The following CDK6 variants were observed in gnomAD, a reference collection of about 807,000 sequenced individuals.
CDK6 encodes cyclin dependent kinase 6, also known as cyclin-dependent kinase 6.
In CDK6, 6 loss-of-function variants were observed where a neutral mutation model predicts 37.1. That is an observed-to-expected ratio of 0.16 (90% confidence interval 0.09 to 0.32). CDK6 has a LOEUF of 0.32. Among genes scored for constraint, CDK6 ranks in the 10% least tolerant of loss-of-function variants. CDK6 has a pLI of 1.00. For missense variants in CDK6, 224 were observed against 418.9 expected, an observed-to-expected ratio of 0.53 and a Z score of 4.06; for synonymous variants, 160 against 161.3, an observed-to-expected ratio of 0.99 and a Z score of 0.06.
chr7:92,659,634 A>ACACC (rs1562927541), intron 5 of CDK6, among the ~76,000 whole-genome samples: 1 of 148,522 alleles, frequency 6.7e-6, no homozygotes, highest in African/African-American at 2.5e-5. Context: ...ACACACACAC[A>ACACC]CCACACACAC....
intron 2 of CDK6, among the ~76,000 whole-genome samples, chr7:92,820,633 A>G (rs1801149112): frequency 6.6e-6 from 1 of 152,134 alleles, no homozygotes; most frequent in Non-Finnish European, 1.5e-5. Flanking sequence ...AAGTTTAGGG[A>G]TATTATTTAA....
At chr7:92,828,091 T>C (rs1801375195) in intron 2 of CDK6, among the ~76,000 whole-genome samples, 1 of 152,118 alleles carries the variant, frequency 6.6e-6, no homozygotes, top group Admixed American at 6.6e-5. Flanking sequence ...ATATTATTAA[T>C]GAATTACCTG....
Position 92,835,297 on chromosome 7 carries a change from T to G in CDK6, c.-368+1181A>C, listed in dbSNP as rs911580569. On this transcript the variant is annotated intron_variant, in intron 1 of 7. Coordinates refer to ENST00000424848, the MANE Select transcript of CDK6 (RefSeq NM_001145306.2). The surrounding 1 kb of genome is among the most constrained non-coding windows in gnomAD (Gnocchi z 4.2). Reference sequence around the variant, plus strand: ...CCCCCAACCCCCTCCCGCTCGAGTCTAGCCCCGGGCTCCGCAGCGAAGGAA... The same window carrying G: ...CCCCCAACCCCCTCCCGCTCGAGTCGAGCCCCGGGCTCCGCAGCGAAGGAA... 3.0e-5 allele frequency: 4 copies of G among 132,218 alleles called. No homozygotes were observed. The highest frequency in any genetic ancestry group is 1.2e-4 in the African/African-American group (4 of 33,472). The allele number at this position is 132,218 out of a possible 1,614,324, so 8.2% of individuals were successfully genotyped here.
At chr7:92,708,829 C>T (rs1798023169) in intron 4 of CDK6, among the ~76,000 whole-genome samples, 1 of 152,076 alleles carries the variant, frequency 6.6e-6, no homozygotes, top group South Asian at 2.1e-4. Context: ...AAATGTTAAT[C>T]ATACCAGGAG....
chr7:92,781,027 T>C (rs889100391), intron 2 of CDK6, among the ~76,000 whole-genome samples: 3 of 152,172 alleles, frequency 2.0e-5, no homozygotes, highest in African/African-American at 7.2e-5. Flanking sequence ...CAGATGACTT[T>C]TAAAGGAAAG....
At chr7:92,715,821 A>T (rs1050233224) in intron 4 of CDK6, among the ~76,000 whole-genome samples, 3 of 152,230 alleles carry the variant, frequency 2.0e-5, no homozygotes, top group African/African-American at 7.2e-5. Flanking sequence ...TGACTAAGGG[A>T]AACTGCAATG....
chr7:92,766,397 C>T (rs1196809448), intron 3 of CDK6, among the ~76,000 whole-genome samples: 2 of 152,080 alleles, frequency 1.3e-5, no homozygotes, highest in Non-Finnish European at 2.9e-5. Flanking sequence ...TATGCCTAAA[C>T]TTGGGGCTCA....
intron 3 of CDK6, among the ~76,000 whole-genome samples, chr7:92,749,197 TAAAA>T (rs75300713): frequency 1.2e-5 from 1 of 82,716 alleles, no homozygotes; most frequent in Admixed American, 1.4e-4. Context: ...AGACTCTGCC[TAAAA>T]AAAAAAAAAA....
chr7:92,671,485 G>A lies in CDK6; in HGVS notation c.588C>T (p.Tyr196=), dbSNP rs140690409. 1.4e-4 allele frequency: 220 copies of A among 1,582,208 alleles called. 1 individual carries two copies. The African/African-American group carries it at 2.1e-3, about 15-fold the overall frequency. ...RAPEVLLQSS[Y]ATPVDLWSVG... The stretch of plus-strand genomic sequence containing the variant: ...CACTCCAGAGATCCACGGGGGTGGC[G>A]TAGCTGGACTGGAGCAAGACTTCGG... The change falls in exon 5 of 8, where the codon TAC becomes TAT. Residue 196 remains tyrosine, a synonymous_variant. Coordinates refer to ENST00000424848, the MANE Select transcript of CDK6 (RefSeq NM_001145306.2).
At chr7:92,818,493 T>C (rs1472403479) in intron 2 of CDK6, among the ~76,000 whole-genome samples, 1 of 151,628 alleles carries the variant, frequency 6.6e-6, no homozygotes, top group African/African-American at 2.4e-5. Flanking sequence ...TATAAAATTC[T>C]AGAAGAAAAC....
chr7:92,832,010 AT>A (rs1211963732), intron 2 of CDK6, among the ~76,000 whole-genome samples: 1 of 152,222 alleles, frequency 6.6e-6, no homozygotes, highest in African/African-American at 2.4e-5. Context: ...GTAGGCATGT[AT>A]TTGTTGAACA....
chr7:92,809,147 A>G (rs1800809432), intron 2 of CDK6, among the ~76,000 whole-genome samples: 1 of 152,190 alleles, frequency 6.6e-6, no homozygotes, highest in African/African-American at 2.4e-5. Context: ...ATATCTAGAT[A>G]ATCTATAAAA....
At chr7:92,717,761 A>C (rs1798266455) in intron 4 of CDK6, among the ~76,000 whole-genome samples, 2 of 152,222 alleles carry the variant, frequency 1.3e-5, no homozygotes, top group Non-Finnish European at 2.9e-5. Context: ...TTTATAAACA[A>C]GGGAATCAGT....
intron 2 of CDK6, among the ~76,000 whole-genome samples, chr7:92,817,979 G>A (rs978244101): frequency 2.0e-5 from 3 of 151,920 alleles, no homozygotes; most frequent in African/African-American, 7.2e-5. Flanking sequence ...AGAAATTAAA[G>A]ACCTAAATAA....
chr7:92,621,653 G>T (rs895712531), intron 6 of CDK6, among the ~76,000 whole-genome samples: 14 of 152,152 alleles, frequency 9.2e-5, no homozygotes, highest in African/African-American at 3.1e-4. Flanking sequence ...ATATTCAACA[G>T]TCATGGGGAA....
chr7:92,774,608 G>T, intron 3 of CDK6, 88 bp downstream of exon 3: 2 of 1,172,898 alleles, frequency 1.7e-6, no homozygotes, highest in South Asian at 1.8e-5. Flanking sequence ...AGTTGTAATT[G>T]TGGCAATTTT....
intron 6 of CDK6, among the ~76,000 whole-genome samples, chr7:92,621,759 T>C (rs969880833): frequency 2.0e-5 from 3 of 152,040 alleles, no homozygotes; most frequent in African/African-American, 7.3e-5. Flanking sequence ...CTGTACAGAG[T>C]GGTCAGTAGT....
intron 2 of CDK6, among the ~76,000 whole-genome samples, chr7:92,822,520 T>A (rs552024167): frequency 6.6e-6 from 1 of 152,264 alleles, no homozygotes; most frequent in East Asian, 1.9e-4. Context: ...GCTTAACTAT[T>A]TATTCACTCA....
chr7:92,785,300 C>T (rs1254749101), intron 2 of CDK6, among the ~76,000 whole-genome samples: 1 of 152,144 alleles, frequency 6.6e-6, no homozygotes, highest in African/African-American at 2.4e-5. Context: ...CTATGTATTC[C>T]ATTATTTCAT....
Sources: gnomAD v4.1 joint callset for allele counts (sites outside exome capture counted in the v4.1 genomes callset) on GRCh38, gnomAD v4.1.1 for gene constraint, Gnocchi (gnomAD v3.1) non-coding constraint, MANE v1.5 for transcripts, NCBI Gene and HGNC (gene_info 2026-07-23, HGNC 2026-07-21) for gene names.